Variants in MMD observed in about 807,000 individuals in gnomAD.
MMD encodes the protein monocyte to macrophage differentiation associated.
In MMD, 22 loss-of-function variants were observed where a neutral mutation model predicts 33.6. That is an observed-to-expected ratio of 0.66 (90% CI 0.47 to 0.94). The LOEUF (loss-of-function observed/expected upper bound fraction) is 0.94. Among genes scored for constraint, MMD ranks in the 40% least tolerant of loss-of-function variants. MMD has a pLI of 0.00. For missense variants in MMD, 242 were observed against 309.8 expected, an observed-to-expected ratio of 0.78 and a Z score of 1.64; for synonymous variants, 97 against 103.2, an observed-to-expected ratio of 0.94 and a Z score of 0.36.
chr17:55,410,532 C>T (rs1420591810), intron 3 of MMD, among the ~76,000 whole-genome samples: 1 of 152,156 alleles, frequency 6.6e-6, no homozygotes. Flanking sequence ...AGGAGGAAAG[C>T]GTTTACGTTC....
Position 55,401,541 on chromosome 17 carries a change from G to A in MMD, c.447-3C>T, listed in dbSNP as rs200420578. On this transcript the variant is annotated splice_polypyrimidine_tract_variant and splice_region_variant and intron_variant, in intron 5 of 6. Transcript: ENST00000262065. ...AAAAGAGTTCAACCACCTTATATCTGCAGGAACAAAAATGCAGTTAATTTA... is the reference window on the plus strand; with the variant it reads ...AAAAGAGTTCAACCACCTTATATCTACAGGAACAAAAATGCAGTTAATTTA... 7.5e-5 allele frequency: 120 copies of A among 1,604,202 alleles called. No homozygotes were observed. The highest frequency in any genetic ancestry group is 1.0e-4 in the Non-Finnish European group (117 of 1,175,544).
intron 1 of MMD, among the ~76,000 whole-genome samples, chr17:55,417,056 C>G (rs1907993394): frequency 6.6e-6 from 1 of 152,114 alleles, no homozygotes; most frequent in African/African-American, 2.4e-5. Flanking sequence ...AAGAACAGAT[C>G]AGAGACCTGG....
At chr17:55,410,078 AGGACTT>A (rs1907705293) in intron 3 of MMD, among the ~76,000 whole-genome samples, 1 of 152,202 alleles carries the variant, frequency 6.6e-6, no homozygotes, top group African/African-American at 2.4e-5. Context: ...GAAAAAAACT[AGGACTT>A]GGAGTCAGAG....
chr17:55,398,988 T>C (rs923433824), intron 6 of MMD, among the ~76,000 whole-genome samples: 1 of 152,214 alleles, frequency 6.6e-6, no homozygotes, highest in Non-Finnish European at 1.5e-5. Context: ...TCACGGAAAC[T>C]GCTTCATGGA....
chr17:55,407,793 A>G lies in MMD; in HGVS notation c.297T>C (p.Cys99=), dbSNP rs758872973. 3 of 1,597,042 alleles carry G rather than the reference A, an allele frequency of 1.9e-6. No homozygotes were observed. In the East Asian group the frequency reaches 6.8e-5, roughly 36 times the overall value. The change falls in exon 4 of 7, where the codon TGT becomes TGC. Residue 99 remains cysteine, a synonymous_variant. Transcript: ENST00000262065. ...TGAAGAAATAGATAACCATTCTATCACACATGTGAAAACAATGCTCCACTG... is the reference window on the plus strand; with the variant it reads ...TGAAGAAATAGATAACCATTCTATCGCACATGTGAAAACAATGCTCCACTG... ...LRTVEHCFHM[C]DRMVIYFFIA... is the part of the protein sequence containing the mutation.
At chr17:55,414,109 G>T in intron 2 of MMD, 42 bp downstream of exon 2, 1 of 1,584,626 alleles carries the variant, frequency 6.3e-7, no homozygotes, top group Non-Finnish European at 8.7e-7. Flanking sequence ...TCCCACCAAA[G>T]CCCCGTGGAA....
Position 55,418,547 on chromosome 17 carries a change from T to C in MMD, c.26+3123A>G, listed in dbSNP as rs568985374. Among the ~76,000 whole-genome samples, 4 of 152,320 alleles carry C rather than the reference T, an allele frequency of 2.6e-5. No homozygotes were observed. In the South Asian group the frequency reaches 8.3e-4, roughly 32 times the overall value. On this transcript the variant is annotated intron_variant, in intron 1 of 6. Transcript: ENST00000262065. ...AACACTTAAAATCCAAGACAACGGA[T>C]ATTCCAAGGGCCCCTTCAACATCAT...
At chr17:55,409,232 T>C (rs1009425450) in intron 3 of MMD, among the ~76,000 whole-genome samples, 8 of 152,196 alleles carry the variant, frequency 5.3e-5, no homozygotes, top group Non-Finnish European at 1.2e-4. Flanking sequence ...TATCATCCCC[T>C]GGGGAGCTTA....
At chr17:55,405,066 A>T (rs990043721) in intron 4 of MMD, among the ~76,000 whole-genome samples, 1 of 151,654 alleles carries the variant, frequency 6.6e-6, no homozygotes, top group Non-Finnish European at 1.5e-5. Flanking sequence ...TGTCTCAAAA[A>T]AAATAAATAA....
At chr17:55,409,195 C>G (rs192350842) in intron 3 of MMD, among the ~76,000 whole-genome samples, 4 of 152,286 alleles carry the variant, frequency 2.6e-5, no homozygotes, top group Non-Finnish European at 4.4e-5. Context: ...GCAAACATTA[C>G]GTCAATGCTT....
At chr17:55,405,751 T>A (rs11079168) in intron 4 of MMD, among the ~76,000 whole-genome samples, 20,036 of 152,180 alleles carry the variant, frequency 0.13, 1,828 homozygotes, top group East Asian at 0.45. Context: ...TAGCACTTAC[T>A]TTTTACTCCT....
At chr17:55,394,606 T>C in intron 6 of MMD, 72 bp from the exon 7 acceptor site, 1 of 1,204,422 alleles carries the variant, frequency 8.3e-7, no homozygotes, top group Non-Finnish European at 1.1e-6. Context: ...TAACTGTAAT[T>C]CTCTCTAAGG....
chr17:55,418,834 T>C (rs895185797), intron 1 of MMD, among the ~76,000 whole-genome samples: 1 of 152,248 alleles, frequency 6.6e-6, no homozygotes, highest in Non-Finnish European at 1.5e-5. Flanking sequence ...GTTTTGAAGC[T>C]AGCTGCATGA....
In MMD at chr17:55,407,833, A is replaced by G. The variant is rs747353259; in HGVS notation, c.270-13T>C. 6 of 1,523,670 alleles carry G rather than the reference A, an allele frequency of 3.9e-6. No homozygotes were observed. The African/African-American group carries it at 5.7e-5, about 14-fold the overall frequency. 94.4% of individuals were successfully genotyped at this position (1,523,670 alleles called of 1,614,324 possible). A position where few individuals can be genotyped will look rare whatever the true frequency, so the allele number is the denominator to read the frequency against. On this transcript the variant is annotated splice_polypyrimidine_tract_variant and intron_variant, in intron 3 of 6. Coordinates refer to ENST00000262065, the MANE Select transcript of MMD (RefSeq NM_012329.3). ...ATGCTCCACTGTCCTAGCGAGGGGG[A>G]AAAAAAAGTAAATTTGTCAGAAAGT... is the stretch of plus-strand genomic sequence containing the variant.
At chr17:55,398,946 T>C (rs1417227569) in intron 6 of MMD, among the ~76,000 whole-genome samples, 1 of 152,202 alleles carries the variant, frequency 6.6e-6, no homozygotes, top group African/African-American at 2.4e-5. Context: ...TTTTGGCCCG[T>C]ACAACATTCA....
chr17:55,406,454 G>A (rs1289407653), intron 4 of MMD, among the ~76,000 whole-genome samples: 2 of 152,034 alleles, frequency 1.3e-5, no homozygotes, highest in Non-Finnish European at 1.5e-5. Context: ...CCAGCTACTC[G>A]AGAGGCTGAG....
intron 5 of MMD, among the ~76,000 whole-genome samples, chr17:55,403,442 G>C (rs1907422816): frequency 6.6e-6 from 1 of 152,060 alleles, no homozygotes; most frequent in South Asian, 2.1e-4. Flanking sequence ...ACAAGTGGCT[G>C]GTTTTCTCAC....
At chr17:55,410,520 A>G (rs1567849965) in intron 3 of MMD, among the ~76,000 whole-genome samples, 1 of 152,182 alleles carries the variant, frequency 6.6e-6, no homozygotes, top group Non-Finnish European at 1.5e-5. Context: ...TCCTTCACTC[A>G]GAGGAGGAAA....
rs1217249930 is a variant in MMD at position 55,393,274 on chromosome 17, T to C, written c.*1060A>G. 2 of 146,038 alleles carry C rather than the reference T, an allele frequency of 1.4e-5. No individual in the cohort carries two copies. The highest frequency in any genetic ancestry group is 2.5e-5 in the African/African-American group (1 of 39,938). The allele number at this position is 146,038 out of a possible 1,614,324, so 9.0% of individuals were successfully genotyped here. On this transcript the variant is annotated 3_prime_UTR_variant, in exon 7 of 7. Coordinates refer to ENST00000262065, the MANE Select transcript of MMD (RefSeq NM_012329.3). ...AGGAAAAAAAAAAAAAAACACAATA[T>C]ATGAGAAGATGCAAAGGAAAGGCAG...
Sources: gnomAD v4.1 joint callset for allele counts (sites outside exome capture counted in the v4.1 genomes callset) on GRCh38, gnomAD v4.1.1 for gene constraint, MANE v1.5 for transcripts, NCBI Gene and HGNC (gene_info 2026-07-23, HGNC 2026-07-21) for gene names.